DCTN1: variants seen among roughly 807,000 people sequenced by gnomAD.
DCTN1 encodes dynactin subunit 1.
DCTN1 carries 61 observed loss-of-function variants against 161.2 expected under a neutral mutation model. That is an observed-to-expected ratio of 0.38 (90% confidence interval 0.31 to 0.47). DCTN1 has a LOEUF of 0.47. DCTN1 is among the 20% of genes least tolerant of loss of function. DCTN1 has a pLI of 0.99. For missense variants in DCTN1, 1,404 were observed against 1,623.7 expected, an observed-to-expected ratio of 0.86 and a Z score of 2.33; for synonymous variants, 653 against 632.4, an observed-to-expected ratio of 1.03 and a Z score of -0.49.
chr2:74,367,481 A>G (rs1490749722), intron 18 of DCTN1, 61 bp from the exon 19 acceptor site: 11 of 1,593,264 alleles, frequency 6.9e-6, no homozygotes, highest in Non-Finnish European at 9.5e-6. Flanking sequence ...AGTTCTTCCC[A>G]AACTGTAGTT....
At chr2:74,384,995 T>G (rs1290054772), upstream of DCTN1, 1 of 152,206 alleles carries the variant, frequency 6.6e-6, no homozygotes, top group African/African-American at 2.4e-5. Flanking sequence ...ATTCCAGATA[T>G]TCACAGGACC....
chr2:74,388,386 A>G (rs1675838468), intron 1 of DCTN1, among the ~76,000 whole-genome samples: 2 of 152,156 alleles, frequency 1.3e-5, no homozygotes, highest in Admixed American at 1.3e-4. Context: ...CTAAACAACA[A>G]AACAAAATAA....
rs781204224 is a variant in DCTN1 at position 74,361,355 on chromosome 2, G to A, written c.*144C>T. On this transcript the variant is annotated 3_prime_UTR_variant, in exon 32 of 32. Transcript: ENST00000628224. ...CCGGGTCAAGGTGAAGGGGCAGGAC[G>A]CTGAAAGGGTGGGAGTGAAGCTGAA... 6 of 1,161,356 alleles carry A rather than the reference G, an allele frequency of 5.2e-6. No individual in the cohort carries two copies. The highest frequency in any genetic ancestry group is 3.0e-5 in the African/African-American group (2 of 66,046). 71.9% of individuals were successfully genotyped at this position (1,161,356 alleles called of 1,614,324 possible). A position where few individuals can be genotyped will look rare whatever the true frequency, so the allele number is the denominator to read the frequency against.
rs762752851 is a variant in DCTN1 at position 74,361,608 on chromosome 2, A to G, written c.3728T>C (p.Val1243Ala). 25 of 1,613,994 alleles carry G rather than the reference A, an allele frequency of 1.5e-5. No homozygotes were observed. The highest frequency in any genetic ancestry group is 1.3e-4 in the African/African-American group (10 of 74,880). The change falls in exon 32 of 32, where the codon GTC becomes GCC. Residue 1243 changes from valine to alanine, a missense_variant. Val to Ala is a moderately conservative substitution (Grantham distance 64). Around this residue, in one of 9 missense-constraint regions of DCTN1, gnomAD observed 311 missense variants for 298.9 expected, o/e 1.04. Coordinates refer to ENST00000628224, the MANE Select transcript of DCTN1 (RefSeq NM_004082.5). ...RAKEEQQDDT[V>A]YMGKVTFSCA... ...TGAGAAGGTCACTTTGCCCATGTAG[A>G]CTGTGTCATCCTGCTGCTCCTCCTT...
In DCTN1 at chr2:74,365,960, C is replaced by T; in HGVS notation, c.2819G>A (p.Gly940Asp). ...ALRAEITDAE[G>D]LGLKLEDRET... ...TCGATCTTCGAGCTTCAAACCCAGG[C>T]CTTCAGCATCTGTGATCTCTGCACG... Residue 940 changes from glycine (G) to aspartate (D), a missense_variant, in exon 24 of 32, where the codon GGC (glycine) becomes GAC (aspartate). This residue lies in a region of DCTN1 where 475 missense variants were observed against 489.8 expected (regional missense o/e 0.97). Transcript: ENST00000628224. 6.2e-7 allele frequency: 1 copy of T among 1,614,242 alleles called. No individual in the cohort carries two copies. The highest frequency in any genetic ancestry group is 8.5e-7 in the Non-Finnish European group (1 of 1,180,048).
intron 1 of DCTN1, 129 bp downstream of exon 1, chr2:74,379,876 G>GA (rs1392905717): frequency 2.1e-6 from 2 of 974,504 alleles, no homozygotes; most frequent in Admixed American, 3.9e-5. Context: ...GGGCTCCTTA[G>GA]AAAACACAGT....
intron 1 of DCTN1, among the ~76,000 whole-genome samples, chr2:74,389,023 A>T (rs1675872566): frequency 2.0e-5 from 3 of 152,212 alleles, no homozygotes. Flanking sequence ...TGGTAGTGAC[A>T]CTAAATCTCA....
chr2:74,365,777 G>A, intron 24 of DCTN1, 116 bp downstream of exon 24: 2 of 1,610,036 alleles, frequency 1.2e-6, no homozygotes, highest in Non-Finnish European at 1.7e-6. Flanking sequence ...TTGATTGCAG[G>A]CCCCACTTCT....
At position 74,368,062 on chromosome 2, in the gene DCTN1, G is replaced by A. The variant is rs1292754146; in HGVS notation, c.1924C>T (p.Leu642=). Residue 642 remains leucine (L), a synonymous_variant, in exon 17 of 32, where the codon CTG becomes TTG. Transcript: ENST00000628224. ...AGTTGCTCCCCAGCAGCTCCTCGCA[G>A]CCCAGGCCGCTCTGAACAGTTCTCA... ...LSENCSERPG[L]RGAAGEQLSF... 6.2e-7 allele frequency: 1 copy of A among 1,612,616 alleles called. No individual in the cohort carries two copies. Among genetic ancestry groups the A allele is most frequent in the Non-Finnish European group, 8.5e-7 (1 of 1,179,340 alleles).
At chr2:74,390,374 T>C (rs1387383789) in intron 1 of DCTN1, among the ~76,000 whole-genome samples, 7 of 152,214 alleles carry the variant, frequency 4.6e-5, no homozygotes, top group Non-Finnish European at 8.8e-5. Flanking sequence ...CATGAAGAAC[T>C]TCCTTCTTGA....
At chr2:74,384,930 G>T (rs1214707368), upstream of DCTN1, 2 of 152,232 alleles carry the variant, frequency 1.3e-5, no homozygotes, top group African/African-American at 4.8e-5. Flanking sequence ...AAAGGAAAAG[G>T]TCTGCTTACT....
At chr2:74,363,743 T>G in intron 26 of DCTN1, 115 bp from the exon 27 acceptor site, 5 of 1,355,470 alleles carry the variant, frequency 3.7e-6, no homozygotes, top group Non-Finnish European at 5.2e-6. Context: ...GGAAAACCCT[T>G]TTCCTAATCA....
At chr2:74,371,852 A>G (rs535395654) in intron 7 of DCTN1, 124 bp from the exon 8 acceptor site, 127 of 775,294 alleles carry the variant, frequency 1.6e-4, no homozygotes, top group Non-Finnish European at 2.3e-4. Context: ...GCAGAAAGAG[A>G]GTATCAAAGC....
rs766344308 is a variant in DCTN1, at chr2:74,377,696, T to G, written c.310A>C (p.Thr104Pro). 6.2e-7 allele frequency: 1 copy of G among 1,614,128 alleles called. No individual in the cohort carries two copies. The highest frequency in any genetic ancestry group is 8.5e-7 in the Non-Finnish European group (1 of 1,179,970). Residue 104 changes from threonine (T) to proline (P), a missense_variant, in exon 3 of 32, where the codon ACT (threonine) becomes CCT (proline). Transcript: ENST00000628224. ...GAAGAATCAGGTGTCTCTGGGGAAG[T>G]AGTATCTGCTCCATCTTCAAATACC... ...IQVFEDGADT[T>P]SPETPDSSAS...
rs2103645312 is a variant in DCTN1, at chr2:74,369,261, G to T, written c.1584+39C>A. 1 of 1,614,120 alleles carries T rather than the reference G, an allele frequency of 6.2e-7. No individual in the cohort carries two copies. Among genetic ancestry groups the T allele is most frequent in the South Asian group, 1.1e-5 (1 of 91,076 alleles). ...CACAGCTGGGTCATAAGGAAGCCCT[G>T]GGGTGATGGTGGGCAGAGAGCAAAC... On this transcript the variant is annotated intron_variant, in intron 14 of 31. Transcript: ENST00000628224. This position sits in a 1 kb window ranked among gnomAD's most constrained non-coding sequence, Gnocchi z 4.9.
intron 31 of DCTN1, 26 bp downstream of exon 31, chr2:74,362,026 A>G: frequency 6.2e-7 from 1 of 1,610,942 alleles, no homozygotes; most frequent in Non-Finnish European, 8.5e-7. Flanking sequence ...ACACTGTCCC[A>G]TCCTCCACCC....
rs773118699 is a variant in DCTN1, at chr2:74,366,437, C to T, written c.2628+22G>A. On this transcript the variant is annotated intron_variant, in intron 22 of 31. Transcript: ENST00000628224. ...TGGTCACTAACTCTCCCCACACCTT[C>T]TACCCAGCCATCCAGGCCCACCTGC... 8 of 1,614,242 alleles carry T rather than the reference C, an allele frequency of 5.0e-6. No individual in the cohort carries two copies. In the South Asian group the frequency reaches 6.6e-5, roughly 13 times the overall value.
chr2:74,378,302 T>G, intron 1 of DCTN1, 57 bp from the exon 2 acceptor site: 1 of 1,593,548 alleles, frequency 6.3e-7, no homozygotes. Context: ...GGTGGCATTC[T>G]TATGTATAAG....
chr2:74,376,775 T>C lies in DCTN1; in HGVS notation c.394-13A>G. ...GCTTCAGTCCCCGCTGCATGAGGAG[T>C]AGGAAAGGGCAGAGTTAGAGAACAG... On this transcript the variant is annotated splice_polypyrimidine_tract_variant and intron_variant, in intron 4 of 31. Coordinates refer to ENST00000628224, the MANE Select transcript of DCTN1 (RefSeq NM_004082.5). The C allele has an allele frequency of 6.2e-7, 1 of 1,601,866 alleles. No individual in the cohort carries two copies. Among genetic ancestry groups the C allele is most frequent in the Non-Finnish European group, 8.5e-7 (1 of 1,174,342 alleles).
Sources: gnomAD v4.1 joint callset for allele counts (sites outside exome capture counted in the v4.1 genomes callset) on GRCh38, gnomAD v4.1.1 for gene constraint, gnomAD v4.1.1 regional missense constraint, Gnocchi (gnomAD v3.1) non-coding constraint, MANE v1.5 for transcripts, NCBI Gene and HGNC (gene_info 2026-07-23, HGNC 2026-07-21) for gene names.